The following MREG variants were observed in gnomAD, a reference collection of about 807,000 sequenced individuals.
The protein encoded by MREG is dilute suppressor protein homolog.
MREG carries 31 observed loss-of-function variants against 28.5 expected under a neutral mutation model. The ratio of observed to expected loss-of-function variants is 1.09; its 90% CI spans 0.82 to 1.47. The LOEUF (loss-of-function observed/expected upper bound fraction) is 1.47, where lower values mean the gene tolerates loss of function less well. Among genes scored for constraint, MREG ranks in the 40% most tolerant of loss-of-function variants. The pLI, the probability that MREG is intolerant of heterozygous loss-of-function variation, is 0.00. For missense variants in MREG, 256 were observed against 257.4 expected (o/e 0.99, Z 0.04); for synonymous variants, 106 against 95.2 (o/e 1.11, Z -0.66).
At chr2:215,971,672 G>A (rs1180044904) in intron 2 of MREG, among the ~76,000 whole-genome samples, 1 of 152,200 alleles carries the variant, frequency 6.6e-6, no homozygotes, top group Non-Finnish European at 1.5e-5. Context: ...CAAGCTGAAT[G>A]TAGAAAAACA....
intron 2 of MREG, among the ~76,000 whole-genome samples, chr2:215,979,485 T>A (rs13424118): frequency 0.011 from 1,522 of 141,882 alleles, 37 homozygotes; most frequent in African/African-American, 0.04. Context: ...ATAATAATAA[T>A]AATAATAATA....
intron 2 of MREG, among the ~76,000 whole-genome samples, chr2:215,949,686 A>G (rs192550472): frequency 6.6e-6 from 1 of 152,306 alleles, no homozygotes; most frequent in East Asian, 1.9e-4. Flanking sequence ...CTCTGCTCTA[A>G]GTACTAGATG....
chr2:216,013,169 C>T (rs1694357653), intron 1 of MREG, 64 bp downstream of exon 1: 4 of 1,439,770 alleles, frequency 2.8e-6, no homozygotes, highest in Non-Finnish European at 3.8e-6. Flanking sequence ...CACAGGTGTC[C>T]ACACTCTCGG....
chr2:216,015,123 G>GTGTGTGCGCGCGTGCGTGTGCGCGCA (rs1553556743), upstream of MREG, among the ~76,000 whole-genome samples: 20,199 of 147,530 alleles, frequency 0.14, 1,719 homozygotes, highest in African/African-American at 0.24. Context: ...GTGCACGCGT[G>GTGTGTGCGCGCGTGCGTGTGCGCGCA]TGTGTGCGCG....
chr2:215,986,097 A>G (rs1008134597), intron 2 of MREG, among the ~76,000 whole-genome samples: 8 of 152,184 alleles, frequency 5.3e-5, no homozygotes, highest in African/African-American at 1.4e-4. Flanking sequence ...AATAATCATA[A>G]CTAGTAGTAG....
chr2:215,975,272 T>C (rs537547840), intron 2 of MREG, among the ~76,000 whole-genome samples: 1 of 152,266 alleles, frequency 6.6e-6, no homozygotes, highest in African/African-American at 2.4e-5. Flanking sequence ...TTTCAAGGTA[T>C]ATAGCATTCA....
intron 2 of MREG, among the ~76,000 whole-genome samples, chr2:215,955,135 T>G (rs1419139591): frequency 3.3e-5 from 5 of 152,232 alleles, no homozygotes; most frequent in Non-Finnish European, 7.3e-5. Flanking sequence ...CTATAAACAG[T>G]AGCATATTAT....
chr2:215,951,428 C>T (rs1269440898), intron 2 of MREG, among the ~76,000 whole-genome samples: 1 of 152,108 alleles, frequency 6.6e-6, no homozygotes, highest in East Asian at 1.9e-4. Context: ...ATATTCTTCC[C>T]AAGTGACTTC....
intron 2 of MREG, among the ~76,000 whole-genome samples, chr2:215,949,096 A>C (rs1051025303): frequency 1.0e-3 from 150 of 149,178 alleles, no homozygotes; most frequent in African/African-American, 1.8e-3. Context: ...ACTAATAATA[A>C]TAATAATAAT....
intron 2 of MREG, among the ~76,000 whole-genome samples, chr2:215,983,013 C>T (rs1381780225): frequency 1.3e-5 from 2 of 152,142 alleles, no homozygotes; most frequent in Non-Finnish European, 2.9e-5. Context: ...CCACCCTGCC[C>T]CAAATCCTCT....
rs139243339 is a variant in MREG, at chr2:216,023,739, C to T, written c.-68+9050G>A. ...CTGGAGTGCAGTGGCACAACCTTGT[C>T]TCACTGCAACCTCTGCCTCCAGGGT... On this transcript the variant is annotated intron_variant, in intron 1 of 3. Coordinates refer to the MREG transcript ENST00000420348. 5.9e-3 allele frequency among the ~76,000 whole-genome samples: 895 copies of T among 152,310 alleles called. 6 individuals carry two copies. Among genetic ancestry groups the T allele is most frequent in the Non-Finnish European group, 8.5e-3 (576 of 68,030 alleles).
At chr2:216,015,324 C>T (rs756376067), upstream of MREG, among the ~76,000 whole-genome samples, 1 of 151,936 alleles carries the variant, frequency 6.6e-6, no homozygotes, top group Non-Finnish European at 1.5e-5. Flanking sequence ...GCCATGATAT[C>T]GCCAGGAAGA....
intron 2 of MREG, among the ~76,000 whole-genome samples, chr2:215,952,324 C>T (rs980023578): frequency 1.3e-5 from 2 of 152,036 alleles, no homozygotes; most frequent in South Asian, 2.1e-4. Context: ...TTTTAAGTGT[C>T]GTTACTGCAC....
upstream of MREG, among the ~76,000 whole-genome samples, chr2:216,015,588 T>C (rs1056944996): frequency 2.6e-5 from 4 of 152,104 alleles, no homozygotes; most frequent in Non-Finnish European, 5.9e-5. Context: ...ACTGAGATGG[T>C]AATAGGATCC....
chr2:215,971,425 C>T (rs1317300087), intron 2 of MREG, among the ~76,000 whole-genome samples: 2 of 152,298 alleles, frequency 1.3e-5, no homozygotes, highest in African/African-American at 4.8e-5. Context: ...TCCATGTACC[C>T]TAAGGTGCTT....
chr2:216,013,381 G>A lies in MREG; in HGVS notation c.-54C>T, dbSNP rs1405535496. On this transcript the variant is annotated 5_prime_UTR_variant, in exon 1 of 5. Coordinates refer to ENST00000263268, the MANE Select transcript of MREG (RefSeq NM_018000.3). Reference sequence around the variant, plus strand: ...AAGCCTGGGGCCGAGTCGCCGCGGCGAGCGATCGAGGCTGGGGCGCGGCCA... The same window carrying A: ...AAGCCTGGGGCCGAGTCGCCGCGGCAAGCGATCGAGGCTGGGGCGCGGCCA... 10 of 1,383,318 alleles carry A rather than the reference G, an allele frequency of 7.2e-6. No individual in the cohort carries two copies. The highest frequency in any genetic ancestry group is 9.6e-6 in the Non-Finnish European group (10 of 1,044,596). 85.7% of individuals were successfully genotyped at this position (1,383,318 alleles called of 1,614,324 possible).
At chr2:215,947,147 C>A (rs770065059) in intron 2 of MREG, 34 bp from the exon 3 acceptor site, 1 of 1,433,494 alleles carries the variant, frequency 7.0e-7, no homozygotes, top group Non-Finnish European at 9.7e-7. Context: ...TTTATTTATA[C>A]CCCTTGGCTT....
chr2:216,001,613 G>A (rs1694014681), intron 1 of MREG, among the ~76,000 whole-genome samples: 1 of 152,206 alleles, frequency 6.6e-6, no homozygotes, highest in African/African-American at 2.4e-5. Context: ...AAGGTGGGGT[G>A]CCACTGTTAA....
intron 2 of MREG, among the ~76,000 whole-genome samples, chr2:215,994,128 C>T (rs1693794941): frequency 6.6e-6 from 1 of 151,980 alleles, no homozygotes; most frequent in African/African-American, 2.4e-5. Flanking sequence ...TTTATCGCAA[C>T]ACTGTTCACA....
Sources: gnomAD v4.1 joint callset for allele counts (sites outside exome capture counted in the v4.1 genomes callset) on GRCh38, gnomAD v4.1.1 for gene constraint, MANE v1.5 for transcripts, NCBI Gene and HGNC (gene_info 2026-07-23, HGNC 2026-07-21) for gene names.